PIEZO2: variants seen among roughly 807,000 people sequenced by gnomAD.
PIEZO2 encodes piezo type mechanosensitive ion channel component 2.
Under a neutral mutation model 337.3 loss-of-function variants are expected in PIEZO2, and 172 were observed. The observed-to-expected ratio is 0.51, with a 90% CI of 0.45 to 0.58. The LOEUF is 0.58. Ranked by LOEUF, PIEZO2 falls within the 20% of genes least tolerant of loss-of-function variation. The pLI is 0.00. For missense variants in PIEZO2, 3,028 were observed against 3,391.3 expected (o/e 0.89, Z 2.66); for synonymous variants, 1,251 against 1,228.5 (o/e 1.02, Z -0.38).
At chr18:10,805,414 G>A (rs1598506466) in intron 8 of PIEZO2, among the ~76,000 whole-genome samples, 1 of 152,184 alleles carries the variant, frequency 6.6e-6, no homozygotes, top group Non-Finnish European at 1.5e-5. Flanking sequence ...TACTCAGGAG[G>A]CTGAGGCAGG....
chr18:10,886,378 G>A (rs1258402693), intron 4 of PIEZO2, among the ~76,000 whole-genome samples: 56 of 3,158 alleles, frequency 0.018, 4 homozygotes, highest in East Asian at 0.042. Context: ...ATGTGTGTGT[G>A]TGTATATATA....
rs2041499527 is a variant in PIEZO2 at position 10,850,144 on chromosome 18, G to A, written c.917+5209C>T. Reference sequence around the variant, plus strand: ...TCGTGCCACACCTGTGTGCATAAACGGAAGGGAATCACTAATTCTCACCCT... The same window carrying A: ...TCGTGCCACACCTGTGTGCATAAACAGAAGGGAATCACTAATTCTCACCCT... On this transcript the variant is annotated intron_variant, in intron 7 of 55. Transcript: ENST00000674853. This position sits in a 1 kb window ranked among gnomAD's most constrained non-coding sequence, Gnocchi z 4.5. Among the ~76,000 whole-genome samples the A allele has an allele frequency of 6.6e-6, 1 of 152,086 alleles. No homozygotes were observed. The highest frequency in any genetic ancestry group is 2.4e-5 in the African/African-American group (1 of 41,410).
Position 11,102,731 on chromosome 18 carries a change from C to T in PIEZO2, c.65-36509G>A, listed in dbSNP as rs901748752. Among the ~76,000 whole-genome samples the T allele has an allele frequency of 6.6e-6, 1 of 152,176 alleles. No homozygotes were observed. Among genetic ancestry groups the T allele is most frequent in the Non-Finnish European group, 1.5e-5 (1 of 68,032 alleles). On this transcript the variant is annotated intron_variant, in intron 1 of 55. Transcript: ENST00000674853. This position sits in a 1 kb window ranked among gnomAD's most constrained non-coding sequence, Gnocchi z 5.7. ...GACTGATTCCCCTCTGCCCATGATTCTCCTATGGCCCACACCCTGCAGCCT... is the reference window on the plus strand; with the variant it reads ...GACTGATTCCCCTCTGCCCATGATTTTCCTATGGCCCACACCCTGCAGCCT...
chr18:11,067,966 G>A (rs1334029253), intron 1 of PIEZO2, among the ~76,000 whole-genome samples: 1 of 152,186 alleles, frequency 6.6e-6, no homozygotes, highest in Non-Finnish European at 1.5e-5. Flanking sequence ...CTGTCCCCCA[G>A]GCTGCAGTGC....
chr18:10,704,889 C>T (rs944078727), intron 41 of PIEZO2, among the ~76,000 whole-genome samples: 1 of 152,118 alleles, frequency 6.6e-6, no homozygotes, highest in African/African-American at 2.4e-5. Context: ...GACAGTTTCG[C>T]CATGTTGGTC....
chr18:10,962,807 C>T lies in PIEZO2; in HGVS notation c.286+16728G>A, dbSNP rs1207290729. ...CTGCTAAGGCCCTTTCCAGTGATCACATACTATGAGCCCATGCTAGCAATG... is the reference window on the plus strand; with the variant it reads ...CTGCTAAGGCCCTTTCCAGTGATCATATACTATGAGCCCATGCTAGCAATG... On this transcript the variant is annotated intron_variant, in intron 3 of 55. Transcript: ENST00000674853. The surrounding 1 kb of genome is among the most constrained non-coding windows in gnomAD (Gnocchi z 4.1). Among the ~76,000 whole-genome samples the T allele has an allele frequency of 6.6e-6, 1 of 152,190 alleles. No individual in the cohort carries two copies. The highest frequency in any genetic ancestry group is 1.5e-5 in the Non-Finnish European group (1 of 68,032).
rs1179470441 is a variant in PIEZO2 at position 10,899,481 on chromosome 18, C to T, written c.329+11705G>A. Among the ~76,000 whole-genome samples, 1 of 152,208 alleles carries T rather than the reference C, an allele frequency of 6.6e-6. No individual in the cohort carries two copies. The highest frequency in any genetic ancestry group is 1.5e-5 in the Non-Finnish European group (1 of 68,042). On this transcript the variant is annotated intron_variant, in intron 4 of 55. Transcript: ENST00000674853. This position sits in a 1 kb window ranked among gnomAD's most constrained non-coding sequence, Gnocchi z 4.6. ...TCTTTGTCTCCAGTAAGGTGCTTCA[C>T]TGGCTGAGCTTCCTCAGCATAAAAT...
At chr18:10,874,490 A>G (rs1486766623) in intron 4 of PIEZO2, among the ~76,000 whole-genome samples, 1 of 152,184 alleles carries the variant, frequency 6.6e-6, no homozygotes, top group East Asian at 1.9e-4. Flanking sequence ...GGAAATTAGT[A>G]TATCTAAGAG....
chr18:11,064,679 G>A lies in PIEZO2; in HGVS notation c.160+1448C>T, dbSNP rs533567564. 7.2e-5 allele frequency among the ~76,000 whole-genome samples: 11 copies of A among 152,262 alleles called. No homozygotes were observed. In the East Asian group the frequency reaches 2.1e-3, roughly 29 times the overall value. ...GTTTGGGAAAAAGAAAAAGTCAGGG[G>A]TTGTCACAGAAGTATGTAGGGGGAA... On this transcript the variant is annotated intron_variant, in intron 2 of 55. Coordinates refer to ENST00000674853, the MANE Select transcript of PIEZO2 (RefSeq NM_001378183.1).
Position 10,671,589 on chromosome 18 carries a change from A to C in PIEZO2, c.8536T>G (p.Leu2846Val), listed in dbSNP as rs1158925255. Residue 2846 changes from leucine to valine, a missense_variant, in exon 56 of 56, where the codon TTA becomes GTA. Physicochemically the swap from Leu to Val is conservative, Grantham distance 32. This residue lies in a region of PIEZO2 where 332 missense variants were observed against 363.8 expected (regional missense o/e 0.91). Transcript: ENST00000674853. ...TCTGGTGAGCGATATAGGAATATTA[A>C]TTTGGCATAGAGATCTTCTTCTAGC... is the stretch of plus-strand genomic sequence containing the variant. ...LELEEDLYAK[L>V]IFLYRSPETM... The C allele has an allele frequency of 1.2e-6, 2 of 1,613,914 alleles. No homozygotes were observed. Among genetic ancestry groups the C allele is most frequent in the East Asian group, 2.2e-5 (1 of 44,856 alleles).
intron 41 of PIEZO2, 122 bp from the exon 42 acceptor site, chr18:10,704,774 T>A (rs1472258313): frequency 1.7e-6 from 2 of 1,192,610 alleles, no homozygotes; most frequent in Non-Finnish European, 2.3e-6. Flanking sequence ...AACCTCCGCC[T>A]CCCGAACTCA....
chr18:11,120,972 A>C (rs2146194806), intron 1 of PIEZO2, among the ~76,000 whole-genome samples: 1 of 152,304 alleles, frequency 6.6e-6, no homozygotes, highest in South Asian at 2.1e-4. Context: ...GGTCACATTG[A>C]CTGGGTGTGG....
Position 10,878,219 on chromosome 18 carries a change from T to C in PIEZO2, c.330-6804A>G, listed in dbSNP as rs2042319618. Among the ~76,000 whole-genome samples, 1 of 152,246 alleles carries C rather than the reference T, an allele frequency of 6.6e-6. No individual in the cohort carries two copies. The highest frequency in any genetic ancestry group is 2.4e-5 in the African/African-American group (1 of 41,464). On this transcript the variant is annotated intron_variant, in intron 4 of 55. Transcript: ENST00000674853. This position sits in a 1 kb window ranked among gnomAD's most constrained non-coding sequence, Gnocchi z 4.3. ...GGGACCAGCATGGTAGATGGTGCAG[T>C]GTAAACCATCAGTAAAGGCTGGCTG...
At position 10,748,498 on chromosome 18, in the gene PIEZO2, A is replaced by G; in HGVS notation, c.4397T>C (p.Ile1466Thr). The stretch of plus-strand genomic sequence containing the variant: ...TGATGCCAGAATCTGGGAAGCTTTT[A>G]TATCAGCCACAACATGTAGAAAATA... ...SYYFLHVVAD[I>T]KASQILASRG... The change falls in exon 30 of 56, where the codon ATA (isoleucine) becomes ACA (threonine). Residue 1466 changes from isoleucine (I) to threonine (T), a missense_variant. Ile to Thr is a moderately conservative substitution (Grantham distance 89, BLOSUM62 -1). Around this residue, in one of 5 missense-constraint regions of PIEZO2, gnomAD observed 1,925 missense variants for 2,051.9 expected, o/e 0.94. Transcript: ENST00000674853. This position sits in a 1 kb window ranked among gnomAD's most constrained non-coding sequence, Gnocchi z 5.1. 1.3e-6 allele frequency: 2 copies of G among 1,537,126 alleles called. No homozygotes were observed. The highest frequency in any genetic ancestry group is 1.7e-6 in the Non-Finnish European group (2 of 1,146,868).
Position 10,730,787 on chromosome 18 carries a change from T to C in PIEZO2, c.5029+620A>G, listed in dbSNP as rs574881990. Among the ~76,000 whole-genome samples the C allele has an allele frequency of 1.9e-4, 29 of 152,242 alleles. No individual in the cohort carries two copies. In the East Asian group the frequency reaches 4.6e-3, roughly 24 times the overall value. On this transcript the variant is annotated intron_variant, in intron 36 of 55. Transcript: ENST00000674853. ...TGTCGCCCAGGCTGGAGTGCAGTGG[T>C]GCGATCTTGGCTCACTGCAAGCTCC...
At position 10,724,004 on chromosome 18, in the gene PIEZO2, C is replaced by T. The variant is rs1454459130; in HGVS notation, c.5030-5745G>A. On this transcript the variant is annotated intron_variant, in intron 36 of 55. Coordinates refer to ENST00000674853, the MANE Select transcript of PIEZO2 (RefSeq NM_001378183.1). This position sits in a 1 kb window ranked among gnomAD's most constrained non-coding sequence, Gnocchi z 5.8. ...GGCAGGGGTGGCACTGAGAAGATGCCATAGGCAGAAGGCAGCCCCTGAGGC... is the reference window on the plus strand; with the variant it reads ...GGCAGGGGTGGCACTGAGAAGATGCTATAGGCAGAAGGCAGCCCCTGAGGC... Among the ~76,000 whole-genome samples the T allele has an allele frequency of 6.6e-6, 1 of 152,100 alleles. No homozygotes were observed. Among genetic ancestry groups the T allele is most frequent in the East Asian group, 1.9e-4 (1 of 5,190 alleles).
Position 10,746,885 on chromosome 18 carries a change from G to A in PIEZO2, c.4424+1586C>T, listed in dbSNP as rs917124025. ...CTGTTTATAGACCACCTACTTTATGGTATTTTTGTTATGTCCGCCCAAATG... is the reference window on the plus strand; with the variant it reads ...CTGTTTATAGACCACCTACTTTATGATATTTTTGTTATGTCCGCCCAAATG... On this transcript the variant is annotated intron_variant, in intron 30 of 55. Transcript: ENST00000674853. This position sits in a 1 kb window ranked among gnomAD's most constrained non-coding sequence, Gnocchi z 4.2. 3.3e-5 allele frequency among the ~76,000 whole-genome samples: 5 copies of A among 152,104 alleles called. No homozygotes were observed. Among genetic ancestry groups the A allele is most frequent in the African/African-American group, 9.7e-5 (4 of 41,402 alleles).
rs1238232833 is a variant in PIEZO2 at position 11,002,682 on chromosome 18, C to A, written c.161-23022G>T. 6.6e-6 allele frequency among the ~76,000 whole-genome samples: 1 copy of A among 152,178 alleles called. No individual in the cohort carries two copies. The highest frequency in any genetic ancestry group is 6.5e-5 in the Admixed American group (1 of 15,272). ...ACAGTTGCTTTGTTGCAATGTTTTA[C>A]TGGCGGCGGCGGGGAACACATTCAG... On this transcript the variant is annotated intron_variant, in intron 2 of 55. Transcript: ENST00000674853. The surrounding 1 kb of genome is among the most constrained non-coding windows in gnomAD (Gnocchi z 4.3).
intron 7 of PIEZO2, among the ~76,000 whole-genome samples, chr18:10,848,481 A>G (rs79158984): frequency 0.018 from 2,705 of 152,256 alleles, 82 homozygotes; most frequent in African/African-American, 0.062. Context: ...TGATTTATTG[A>G]AGTAGATGAT....
Sources: allele counts gnomAD v4.1 joint callset (sites outside exome capture counted in the v4.1 genomes callset), GRCh38; gene constraint gnomAD v4.1.1; regional missense constraint gnomAD v4.1.1; non-coding constraint Gnocchi (gnomAD v3.1); transcripts MANE v1.5; gene names NCBI Gene and HGNC (gene_info 2026-07-23, HGNC 2026-07-21).